The following LARP7 variants were observed in gnomAD, a reference collection of about 807,000 sequenced individuals.
LARP7 encodes the protein la-related protein 7.
In LARP7, 52 loss-of-function variants were observed where a neutral mutation model predicts 69.3. That is an observed-to-expected ratio of 0.75 (90% CI 0.60 to 0.95). The LOEUF (loss-of-function observed/expected upper bound fraction) is 0.95. LARP7 is among the 40% of genes least tolerant of loss of function. The pLI, the probability that LARP7 is intolerant of heterozygous loss-of-function variation, is 0.00. For synonymous variants in LARP7, 254 were observed against 215.9 expected (o/e 1.18, Z -1.55); for missense variants, 733 against 673.0 (o/e 1.09, Z -0.99).
At chr4:112,640,898 C>T (rs944270703) in intron 1 of LARP7, among the ~76,000 whole-genome samples, 5 of 151,960 alleles carry the variant, frequency 3.3e-5, no homozygotes, top group African/African-American at 7.2e-5. Context: ...CATACAGATA[C>T]GGTAAGGAAG....
At chr4:112,654,315 A>G in intron 12 of LARP7, 156 bp downstream of exon 12, 2 of 502,122 alleles carry the variant, frequency 4.0e-6, no homozygotes, top group Non-Finnish European at 7.1e-6. Flanking sequence ...GGGAAAAGTC[A>G]TTTCTCTAGA....
intron 8 of LARP7, chr4:112,648,404 G>A (rs1197359423): frequency 3.7e-6 from 2 of 534,540 alleles, no homozygotes; most frequent in Non-Finnish European, 7.7e-6. Context: ...GTTTCACACA[G>A]CAGGTACCCC....
chr4:112,654,648 C>T (rs2048885615), intron 12 of LARP7: 1 of 152,614 alleles, frequency 6.6e-6, no homozygotes, highest in African/African-American at 2.4e-5. Flanking sequence ...TTAAAGCAAG[C>T]CCCTCTTTCA....
chr4:112,652,930 A>G, intron 10 of LARP7, 147 bp from the exon 11 acceptor site: 1 of 449,586 alleles, frequency 2.2e-6, no homozygotes. Context: ...GCTTTACAGG[A>G]AATATTTGAT....
intron 1 of LARP7, among the ~76,000 whole-genome samples, chr4:112,638,574 C>A (rs2047811781): frequency 1.3e-5 from 2 of 152,120 alleles, no homozygotes; most frequent in Non-Finnish European, 2.9e-5. Context: ...TTAAATTCTC[C>A]TTTGAACTGG....
chr4:112,649,116 C>A (rs1326826294), intron 8 of LARP7, among the ~76,000 whole-genome samples: 1 of 151,918 alleles, frequency 6.6e-6, no homozygotes, highest in East Asian at 1.9e-4. Context: ...GTGTTTTGTT[C>A]TACTTAGAAA....
intron 11 of LARP7, 149 bp downstream of exon 11, chr4:112,653,385 C>A: frequency 4.1e-6 from 2 of 488,726 alleles, no homozygotes; most frequent in Non-Finnish European, 3.4e-6. Flanking sequence ...TCTCAGCTCA[C>A]CGCATCCTCC....
At chr4:112,639,208 C>CTT (rs1160467036) in intron 1 of LARP7, among the ~76,000 whole-genome samples, 136 of 132,372 alleles carry the variant, frequency 1.0e-3, no homozygotes, top group African/African-American at 2.5e-3. Flanking sequence ...TTAAATGTTA[C>CTT]TTTTTTTTTT....
chr4:112,644,917 T>C (rs760591505), intron 2 of LARP7, 46 bp downstream of exon 2: 1 of 879,924 alleles, frequency 1.1e-6, no homozygotes, highest in Non-Finnish European at 1.7e-6. Context: ...TATGGTTGCC[T>C]TTAAATTTAC....
intron 8 of LARP7, 98 bp from the exon 9 acceptor site, chr4:112,649,437 A>C: frequency 3.2e-6 from 3 of 947,650 alleles, no homozygotes; most frequent in Non-Finnish European, 4.6e-6. Flanking sequence ...AAGTTGGTGG[A>C]GGAGTTGCTC....
intron 1 of LARP7, among the ~76,000 whole-genome samples, chr4:112,643,154 G>A (rs2048026397): frequency 6.6e-6 from 1 of 152,158 alleles, no homozygotes; most frequent in Non-Finnish European, 1.5e-5. Context: ...TACCATCTAG[G>A]AAGGATAAAC....
At position 112,647,503 on chromosome 4, in the gene LARP7, G is replaced by C. The variant is rs777508785; in HGVS notation, c.951G>C (p.Gln317His). 19 of 1,613,128 alleles carry C rather than the reference G, an allele frequency of 1.2e-5. No individual in the cohort carries two copies. The East Asian group carries it at 4.2e-4, about 36-fold the overall frequency. The change falls in exon 7 of 13, where the codon CAG (glutamine) becomes CAC (histidine). Residue 317 changes from glutamine (Q) to histidine (H), a missense_variant. Gln to His is a conservative substitution (Grantham distance 24). Transcript: ENST00000344442. Reference sequence around the variant, plus strand: ...GATCAAAAGTAAAGAAAATTATTCAGAAAGACATCATTAAGGAAGCATCAG... The same window carrying C: ...GATCAAAAGTAAAGAAAATTATTCACAAAGACATCATTAAGGAAGCATCAG... ...APRSKVKKIIQKDIIKEASEA... is the reference protein window; with the variant it reads ...APRSKVKKIIHKDIIKEASEA...
intron 8 of LARP7, chr4:112,648,749 A>C (rs2048532586): frequency 3.6e-6 from 1 of 278,390 alleles, no homozygotes; most frequent in Admixed American, 4.0e-5. Context: ...TTAACTCTTG[A>C]ATTCCTTTTG....
chr4:112,644,408 T>A (rs986366185), intron 1 of LARP7: 11 of 946,242 alleles, frequency 1.2e-5, no homozygotes, highest in Non-Finnish European at 1.5e-5. Context: ...AAGGTGTAAT[T>A]TTTTATATTA....
In LARP7 at chr4:112,657,490, G is replaced by A. The variant is rs1337428795; in HGVS notation, c.*163G>A. The A allele has an allele frequency of 5.2e-6, 2 of 384,170 alleles. No individual in the cohort carries two copies. The highest frequency in any genetic ancestry group is 4.0e-5 in the East Asian group (1 of 25,188). The allele number at this position is 384,170 out of a possible 1,614,324, so 23.8% of individuals were successfully genotyped here. On this transcript the variant is annotated 3_prime_UTR_variant, in exon 13 of 13. Coordinates refer to ENST00000344442, the MANE Select transcript of LARP7 (RefSeq NM_016648.4). The stretch of plus-strand genomic sequence containing the variant: ...AAGACTTTTTTCTAGAGACAAATAT[G>A]ATGTATACCACAATTTTTCTTAAAC...
At chr4:112,655,086 T>C (rs2048902770) in intron 12 of LARP7, among the ~76,000 whole-genome samples, 1 of 151,956 alleles carries the variant, frequency 6.6e-6, no homozygotes, top group South Asian at 2.1e-4. Flanking sequence ...TCGTGATTTG[T>C]GGGGAGGTGT....
At chr4:112,645,538 C>CT in intron 2 of LARP7, 2 of 456,160 alleles carry the variant, frequency 4.4e-6, no homozygotes, top group Non-Finnish European at 8.8e-6. Flanking sequence ...CAAGGTCTAT[C>CT]TTTTTTCCCT....
Position 112,646,881 on chromosome 4 carries a change from AAGTC to A in LARP7, c.479_482del (p.Lys160IlefsTer44). ...TGTTTATATAAGTATACCACATTAT[AAGTC>A]TACTGGAGATCCAAAGGGATTTGCG... On this transcript the variant is annotated frameshift_variant, in exon 5 of 13. Coordinates refer to ENST00000344442, the MANE Select transcript of LARP7 (RefSeq NM_016648.4). LOFTEE classifies it high-confidence loss of function. 1 of 1,609,974 alleles carries A rather than the reference AAGTC, an allele frequency of 6.2e-7. No homozygotes were observed.
chr4:112,647,417 G>A lies in LARP7; in HGVS notation c.865G>A (p.Glu289Lys), dbSNP rs1235297961. The change falls in exon 7 of 13, where the codon GAA becomes AAA. Residue 289 changes from glutamate to lysine, a missense_variant. Coordinates refer to ENST00000344442, the MANE Select transcript of LARP7 (RefSeq NM_016648.4). ...RDRVEASSLP[E>K]VRTGKRKRSS... is the part of the protein sequence containing the mutation. ...CAGAGTTGAAGCATCTAGCTTACCT[G>A]AAGTCAGAACAGGGAAGAGGAAGAG... 1 of 1,614,092 alleles carries A rather than the reference G, an allele frequency of 6.2e-7. No homozygotes were observed. The highest frequency in any genetic ancestry group is 8.5e-7 in the Non-Finnish European group (1 of 1,180,014).
Sources: gnomAD v4.1 joint callset for allele counts (sites outside exome capture counted in the v4.1 genomes callset) on GRCh38, gnomAD v4.1.1 for gene constraint, MANE v1.5 for transcripts, NCBI Gene and HGNC (gene_info 2026-07-23, HGNC 2026-07-21) for gene names.